The following ACADSB variants were observed in gnomAD, a reference collection of about 807,000 sequenced individuals.
The protein encoded by ACADSB is short/branched chain specific acyl-CoA dehydrogenase, mitochondrial.
Under a neutral mutation model 54.1 loss-of-function variants are expected in ACADSB, and 40 were observed. The ratio of observed to expected loss-of-function variants is 0.74; its 90% confidence interval spans 0.57 to 0.96. The LOEUF is 0.96. Ranked by LOEUF, ACADSB falls within the 40% of genes least tolerant of loss-of-function variation. The pLI, the probability that ACADSB is intolerant of heterozygous loss-of-function variation, is 0.00. For missense variants in ACADSB, 530 were observed against 510.4 expected (o/e 1.04, Z -0.37); for synonymous variants, 182 against 182.8 (o/e 1.00, Z 0.03).
Position 123,034,375 on chromosome 10 carries a change from C to T in ACADSB, c.62C>T (p.Thr21Ile), listed in dbSNP as rs765841354. Residue 21 changes from threonine (T) to isoleucine (I), a missense_variant, in exon 2 of 11, where the codon ACT (threonine) becomes ATT (isoleucine). By Grantham distance (89) the Thr-to-Ile change is moderately conservative. Coordinates refer to ENST00000358776, the MANE Select transcript of ACADSB (RefSeq NM_001609.4). ...GSRLLRRNFLTCLSSWKIPPH... is the reference protein window; with the variant it reads ...GSRLLRRNFLICLSSWKIPPH... ...CTACAGCTAAGAAGAAATTTCCTGA[C>T]TTGTTTGTCTTCTTGGAAGATTCCT... The T allele has an allele frequency of 1.2e-6, 2 of 1,613,826 alleles. No individual in the cohort carries two copies. The highest frequency in any genetic ancestry group is 3.3e-5 in the Admixed American group (2 of 60,020).
rs2133484717 is a variant in ACADSB, at chr10:123,044,463, G to T, written c.878G>T (p.Gly293Val). Residue 293 changes from glycine to valine, a missense_variant, in exon 7 of 11, where the codon GGT (glycine) becomes GTT (valine). Gly to Val is a moderately radical substitution (Grantham distance 109). Coordinates refer to ENST00000358776, the MANE Select transcript of ACADSB (RefSeq NM_001609.4). Reference sequence around the variant, plus strand: ...TATGCCATAGGGAGTCTCAATGAAGGTAGAATAGGAATTGCTGCACAGGTA... The same window carrying T: ...TATGCCATAGGGAGTCTCAATGAAGTTAGAATAGGAATTGCTGCACAGGTA... ...YKYAIGSLNE[G>V]RIGIAAQMLG... 6.2e-7 allele frequency: 1 copy of T among 1,613,476 alleles called. No individual in the cohort carries two copies. Among genetic ancestry groups the T allele is most frequent in the South Asian group, 1.1e-5 (1 of 91,078 alleles).
rs1850697038 is a variant in ACADSB, at chr10:123,055,607, A to G, written c.*1842A>G. ...CCAAAAGTCCGCAGTCCAAAGTTTC[A>G]TCTGAGACAAGGCAAGTCCCTTCCA... On this transcript the variant is annotated 3_prime_UTR_variant, in exon 11 of 11. Coordinates refer to ENST00000358776, the MANE Select transcript of ACADSB (RefSeq NM_001609.4). The G allele has an allele frequency of 6.6e-6, 1 of 152,252 alleles. No individual in the cohort carries two copies. The highest frequency in any genetic ancestry group is 2.4e-5 in the African/African-American group (1 of 41,460). The allele number at this position is 152,252 out of a possible 1,614,324, so 9.4% of individuals were successfully genotyped here. A position where few individuals can be genotyped will look rare whatever the true frequency, so the allele number is the denominator to read the frequency against.
chr10:123,036,217 A>C (rs1282409187), intron 2 of ACADSB, among the ~76,000 whole-genome samples: 1 of 152,054 alleles, frequency 6.6e-6, no homozygotes. Flanking sequence ...CCTCCCAAGT[A>C]GCTGAGATTA....
intron 2 of ACADSB, among the ~76,000 whole-genome samples, chr10:123,034,762 T>G (rs1385835464): frequency 6.6e-6 from 1 of 152,154 alleles, no homozygotes; most frequent in Non-Finnish European, 1.5e-5. Flanking sequence ...GCAATGCATA[T>G]CCAATATTAA....
chr10:123,018,077 G>T (rs1413566688), intron 1 of ACADSB, among the ~76,000 whole-genome samples: 1 of 152,164 alleles, frequency 6.6e-6, no homozygotes, highest in Non-Finnish European at 1.5e-5. Context: ...ATCATGGCCT[G>T]AAACAGTCTC....
intron 7 of ACADSB, 87 bp from the exon 8 acceptor site, chr10:123,047,122 A>T: frequency 2.7e-6 from 3 of 1,117,490 alleles, no homozygotes; most frequent in East Asian, 5.1e-5. Context: ...CCAATCATTC[A>T]ATTTATGTTT....
At chr10:123,050,680 A>G (rs189715668) in intron 8 of ACADSB, among the ~76,000 whole-genome samples, 1 of 152,344 alleles carries the variant, frequency 6.6e-6, no homozygotes, top group Admixed American at 6.5e-5. Context: ...TAAAGAATAT[A>G]TTCAAAGTTT....
Position 123,055,726 on chromosome 10 carries a change from A to C in ACADSB, c.*1961A>C, listed in dbSNP as rs1395843068. On this transcript the variant is annotated 3_prime_UTR_variant, in exon 11 of 11. Transcript: ENST00000358776. ...TAAATACAGCCATTCCAAATGGGAG[A>C]AATTGGCCAACACAAAAGGGTAACA... is the stretch of plus-strand genomic sequence containing the variant. 1.1e-4 allele frequency: 17 copies of C among 152,222 alleles called. No homozygotes were observed. The highest frequency in any genetic ancestry group is 1.1e-3 in the Admixed American group (17 of 15,264). 9.4% of individuals were successfully genotyped at this position (152,222 alleles called of 1,614,324 possible). A position where few individuals can be genotyped will look rare whatever the true frequency, so the allele number is the denominator to read the frequency against.
At position 123,047,201 on chromosome 10, in the gene ACADSB, T is replaced by A; in HGVS notation, c.901-8T>A. 1.3e-6 allele frequency: 2 copies of A among 1,590,198 alleles called. No individual in the cohort carries two copies. The highest frequency in any genetic ancestry group is 8.6e-7 in the Non-Finnish European group (1 of 1,158,290). On this transcript the variant is annotated splice_polypyrimidine_tract_variant and splice_region_variant and intron_variant, in intron 7 of 10. Transcript: ENST00000358776. ...AGAAATTCTGATCTTATTTTTTTGT[T>A]TTAACAGATGCTGGGACTGGCGCAA...
chr10:123,027,932 A>C (rs1026820150), intron 1 of ACADSB, among the ~76,000 whole-genome samples: 1 of 152,168 alleles, frequency 6.6e-6, no homozygotes, highest in African/African-American at 2.4e-5. Flanking sequence ...ATCTGACCAG[A>C]TCCTGCCAGG....
intron 7 of ACADSB, 125 bp downstream of exon 7, chr10:123,044,610 G>A: frequency 2.7e-6 from 2 of 750,270 alleles, no homozygotes; most frequent in South Asian, 2.9e-5. Context: ...CTTACATGAG[G>A]GATAGAATGG....
chr10:123,050,077 G>A (rs935674763), intron 8 of ACADSB, among the ~76,000 whole-genome samples: 1 of 152,164 alleles, frequency 6.6e-6, no homozygotes, highest in Non-Finnish European at 1.5e-5. Flanking sequence ...ATTGTTGTGT[G>A]TATCACATAT....
intron 1 of ACADSB, among the ~76,000 whole-genome samples, chr10:123,014,883 T>G (rs1850091721): frequency 6.6e-6 from 1 of 152,172 alleles, no homozygotes; most frequent in South Asian, 2.1e-4. Context: ...GTTTAAGAAA[T>G]AATATGCCAC....
Position 123,051,188 on chromosome 10 carries a change from T to TAAAAAAAAAAAAAAAAAA in ACADSB, c.1128+9_1128+26dup. ...ATGGCCAAATACTATGCATCAGAGG[T>TAAAAAAAAAAAAAAAAAA]AAAAAAAAAAAAAAAAAAAAAAAAG... On this transcript the variant is annotated splice_region_variant and intron_variant, in intron 9 of 10. Coordinates refer to ENST00000358776, the MANE Select transcript of ACADSB (RefSeq NM_001609.4). 1 of 1,015,738 alleles carries TAAAAAAAAAAAAAAAAAA rather than the reference T, an allele frequency of 9.8e-7. No homozygotes were observed. Among genetic ancestry groups the TAAAAAAAAAAAAAAAAAA allele is most frequent in the Non-Finnish European group, 1.2e-6 (1 of 824,600 alleles). The allele number at this position is 1,015,738 out of a possible 1,614,324, so 62.9% of individuals were successfully genotyped here.
chr10:123,034,237 A>G (rs1850365715), intron 1 of ACADSB, 119 bp from the exon 2 acceptor site: 3 of 1,033,336 alleles, frequency 2.9e-6, no homozygotes, highest in Non-Finnish European at 4.4e-6. Flanking sequence ...GAATTTAAAA[A>G]TGCGCTAGGT....
At chr10:123,031,982 T>C (rs945061123) in intron 1 of ACADSB, among the ~76,000 whole-genome samples, 7 of 151,910 alleles carry the variant, frequency 4.6e-5, no homozygotes, top group African/African-American at 9.7e-5. Flanking sequence ...TTTTCTTTTC[T>C]TTTTCTTTTT....
chr10:123,024,931 G>C (rs1467312869), intron 1 of ACADSB, among the ~76,000 whole-genome samples: 2 of 152,084 alleles, frequency 1.3e-5, no homozygotes, highest in Non-Finnish European at 2.9e-5. Flanking sequence ...TTTAGTTCTA[G>C]GAAACCCTTA....
At chr10:123,038,993 G>A (rs1310729391) in intron 3 of ACADSB, among the ~76,000 whole-genome samples, 3 of 152,192 alleles carry the variant, frequency 2.0e-5, no homozygotes, top group Admixed American at 6.5e-5. Flanking sequence ...GCTGTCTGCA[G>A]AGTGATGCAT....
chr10:123,056,640 T>C lies in ACADSB; in HGVS notation c.*2875T>C, dbSNP rs1850712010. 6.6e-6 allele frequency: 1 copy of C among 152,214 alleles called. No individual in the cohort carries two copies. The highest frequency in any genetic ancestry group is 1.5e-5 in the Non-Finnish European group (1 of 68,058). The allele number at this position is 152,214 out of a possible 1,614,324, so 9.4% of individuals were successfully genotyped here. A position where few individuals can be genotyped will look rare whatever the true frequency, so the allele number is the denominator to read the frequency against. Reference sequence around the variant, plus strand: ...GACAACAGAGAAATGAGAGTTTTGATATTTTCTGAAAGAGGAACATGTGTT... The same window carrying C: ...GACAACAGAGAAATGAGAGTTTTGACATTTTCTGAAAGAGGAACATGTGTT... On this transcript the variant is annotated 3_prime_UTR_variant, in exon 11 of 11. Transcript: ENST00000358776.
Sources: allele counts gnomAD v4.1 joint callset (sites outside exome capture counted in the v4.1 genomes callset), GRCh38; gene constraint gnomAD v4.1.1; transcripts MANE v1.5; gene names NCBI Gene and HGNC (gene_info 2026-07-23, HGNC 2026-07-21).